Variants in XPO6 observed in about 807,000 individuals in gnomAD.
XPO6 encodes exportin 6, also known as exportin-6.
In XPO6, 3 loss-of-function variants were observed where a neutral mutation model predicts 130.0. That is an observed-to-expected ratio of 0.02 (90% confidence interval 0.01 to 0.06). The LOEUF is 0.06. Among genes scored for constraint, XPO6 ranks in the 10% least tolerant of loss-of-function variants. XPO6 has a pLI of 1.00. For synonymous variants in XPO6, 524 were observed against 548.9 expected, an observed-to-expected ratio of 0.95 and a Z score of 0.63; for missense variants, 970 against 1,393.0, an observed-to-expected ratio of 0.70 and a Z score of 4.83.
At chr16:28,179,442 C>T (rs1331953859) in intron 2 of XPO6, among the ~76,000 whole-genome samples, 1 of 152,150 alleles carries the variant, frequency 6.6e-6, no homozygotes, top group Admixed American at 6.5e-5. Flanking sequence ...AATAATTAAG[C>T]AAAGGTTTCT....
At chr16:28,144,215 G>A (rs562111515) in intron 9 of XPO6, among the ~76,000 whole-genome samples, 17 of 152,100 alleles carry the variant, frequency 1.1e-4, no homozygotes, top group Admixed American at 3.9e-4. Context: ...ATATATGAAC[G>A]TACTACCTAT....
At chr16:28,177,192 G>A (rs747175806) in intron 3 of XPO6, 28 bp downstream of exon 3, 27 of 1,505,110 alleles carry the variant, frequency 1.8e-5, no homozygotes, top group Non-Finnish European at 2.4e-5. Flanking sequence ...ATCCTTTTCA[G>A]AAGAGTATAA....
chr16:28,181,322 T>C (rs538617271), intron 1 of XPO6, among the ~76,000 whole-genome samples: 1 of 152,168 alleles, frequency 6.6e-6, no homozygotes, highest in Non-Finnish European at 1.5e-5. Flanking sequence ...GGAATAATGA[T>C]TGAAAGCAAA....
chr16:28,129,176 A>G (rs1338319489), intron 12 of XPO6, among the ~76,000 whole-genome samples: 1 of 152,256 alleles, frequency 6.6e-6, no homozygotes, highest in Non-Finnish European at 1.5e-5. Context: ...GTTCATCAAA[A>G]GTACAGCTGG....
intron 20 of XPO6, 38 bp from the exon 21 acceptor site, chr16:28,104,745 G>C: frequency 6.2e-7 from 1 of 1,609,438 alleles, no homozygotes; most frequent in Non-Finnish European, 8.5e-7. Flanking sequence ...TGCAGCTTGC[G>C]GAGCTGCTCC....
intron 7 of XPO6, chr16:28,153,513 G>T: frequency 2.0e-6 from 2 of 985,396 alleles, no homozygotes; most frequent in Non-Finnish European, 2.4e-6. Context: ...TCACTTCACA[G>T]TGAATCCCCA....
intron 1 of XPO6, among the ~76,000 whole-genome samples, chr16:28,203,450 G>A (rs1438152229): frequency 1.3e-5 from 2 of 152,088 alleles, no homozygotes; most frequent in Non-Finnish European, 2.9e-5. Context: ...AGATACATTT[G>A]ACAATGCAAC....
rs551262643 is a variant in XPO6 at position 28,153,069 on chromosome 16, A to G, written c.1098-284T>C. 9.9e-4 allele frequency: 1,056 copies of G among 1,063,088 alleles called. 4 individuals are homozygous for G. The highest frequency in any genetic ancestry group is 2.1e-3 in the South Asian group (68 of 33,076). 65.9% of individuals were successfully genotyped at this position (1,063,088 alleles called of 1,614,324 possible). A position where few individuals can be genotyped will look rare whatever the true frequency, so the allele number is the denominator to read the frequency against. On this transcript the variant is annotated intron_variant, in intron 7 of 23. Transcript: ENST00000304658. ...TCTAAGTCATTTGTGTTGTGACCCA[A>G]TTAAAGTGAAGGGAAATGATAAAAA...
chr16:28,162,171 G>A (rs879593484), intron 6 of XPO6, among the ~76,000 whole-genome samples: 2 of 152,240 alleles, frequency 1.3e-5, no homozygotes, highest in African/African-American at 2.4e-5. Flanking sequence ...GGTCATGGAA[G>A]TCAGCATCTG....
At chr16:28,159,426 C>T (rs1306640510) in intron 6 of XPO6, among the ~76,000 whole-genome samples, 3 of 152,026 alleles carry the variant, frequency 2.0e-5, no homozygotes, top group Admixed American at 6.6e-5. Context: ...GGAGAAAACA[C>T]CTCAGTCAGA....
chr16:28,125,951 A>G, intron 12 of XPO6, 103 bp from the exon 13 acceptor site: 2 of 1,466,708 alleles, frequency 1.4e-6, no homozygotes, highest in Non-Finnish European at 1.8e-6. Context: ...ACCAGCAGCA[A>G]AACCAATTCG....
intron 4 of XPO6, among the ~76,000 whole-genome samples, chr16:28,172,360 T>C (rs1044297770): frequency 5.9e-5 from 9 of 152,186 alleles, no homozygotes; most frequent in Admixed American, 3.3e-4. Flanking sequence ...GTTTCTAGCG[T>C]GAACTTCTGA....
At chr16:28,186,197 C>G (rs74014250) in intron 1 of XPO6, among the ~76,000 whole-genome samples, 8,205 of 152,040 alleles carry the variant, frequency 0.054, 556 homozygotes, top group East Asian at 0.17. Flanking sequence ...TTGCTTCTCA[C>G]TCTTTTGCAG....
In XPO6 at chr16:28,107,619, C is replaced by T. The variant is rs370756869; in HGVS notation, c.2400G>A (p.Ser800=). The T allele has an allele frequency of 4.0e-5, 64 of 1,614,040 alleles. 1 individual carries two copies. Among genetic ancestry groups the T allele is most frequent in the Non-Finnish European group, 5.1e-5 (60 of 1,180,030 alleles). ...TCTGTCGAGACTTGGTGGACTCCCC[C>T]GAGATATTCTCCACAATATCTTCTA... ...SVLEDIVENI[S]GESTKSRQIC... The change falls in exon 18 of 24, where the codon TCG becomes TCA. Residue 800 remains serine, a synonymous_variant. Coordinates refer to ENST00000304658, the MANE Select transcript of XPO6 (RefSeq NM_015171.4).
chr16:28,106,248 CAT>C lies in XPO6; in HGVS notation c.2613-36_2613-35del, dbSNP rs775696646. ...GAGAAAGCCACACAGTGAGCAACCA[CAT>C]GTTTCTCTGGGGGCCAGCATGAAAA... On this transcript the variant is annotated intron_variant, in intron 19 of 23. Coordinates refer to ENST00000304658, the MANE Select transcript of XPO6 (RefSeq NM_015171.4). The surrounding 1 kb of genome is among the most constrained non-coding windows in gnomAD (Gnocchi z 4.2). 1.2e-5 allele frequency: 20 copies of C among 1,609,964 alleles called. No homozygotes were observed. The highest frequency in any genetic ancestry group is 8.9e-5 in the East Asian group (4 of 44,774).
In XPO6 at chr16:28,133,844, T is replaced by A. The variant is rs181760; in HGVS notation, c.1533A>T (p.Thr511=). 43,923 of 1,613,736 alleles carry A rather than the reference T, an allele frequency of 0.027. 3,683 individuals carry two copies. Among genetic ancestry groups the A allele is most frequent in the Admixed American group, 0.19 (11,438 of 59,930 alleles). The change falls in exon 11 of 24, where the codon ACA becomes ACT. Residue 511 remains threonine, a synonymous_variant. Transcript: ENST00000304658. The part of the protein sequence containing the change: ...MELLPTHAFS[T]LFPVLQDNLE... Reference sequence around the variant, plus strand: ...ACTCCCCCGGACAGCACATTACCAGTGTGGAGAAGGCGTGCGTGGGCAGGA... The same window carrying A: ...ACTCCCCCGGACAGCACATTACCAGAGTGGAGAAGGCGTGCGTGGGCAGGA...
chr16:28,130,770 T>C lies in XPO6; in HGVS notation c.1606+1564A>G, dbSNP rs192887346. ...TAGGAAAAAATAAATCACATTATCCTTCTAGGGAGAAGAGCTCAGAATTAT... is the reference window on the plus strand; with the variant it reads ...TAGGAAAAAATAAATCACATTATCCCTCTAGGGAGAAGAGCTCAGAATTAT... On this transcript the variant is annotated intron_variant, in intron 12 of 23. Transcript: ENST00000304658. Among the ~76,000 whole-genome samples, 416 of 152,322 alleles carry C rather than the reference T, an allele frequency of 2.7e-3. 4 individuals carry two copies. Among genetic ancestry groups the C allele is most frequent in the African/African-American group, 9.7e-3 (403 of 41,576 alleles).
chr16:28,188,052 C>T lies in XPO6; in HGVS notation c.4-7021G>A, dbSNP rs908809475. Reference sequence around the variant, plus strand: ...GTTACCTAATGGCCTCTAAAACAACCCCCTCTAAGCATAACCTTTTTACAA... The same window carrying T: ...GTTACCTAATGGCCTCTAAAACAACTCCCTCTAAGCATAACCTTTTTACAA... On this transcript the variant is annotated intron_variant, in intron 1 of 23. Transcript: ENST00000304658. Among the ~76,000 whole-genome samples the T allele has an allele frequency of 9.2e-5, 14 of 152,094 alleles. No homozygotes were observed. In the East Asian group the frequency reaches 1.3e-3, roughly 15 times the overall value.
At chr16:28,174,633 A>C in intron 4 of XPO6, among the ~76,000 whole-genome samples, 1 of 152,168 alleles carries the variant, frequency 6.6e-6, no homozygotes, top group East Asian at 1.9e-4. Context: ...TAAATGAAGA[A>C]TTTTTGTGCC....
Sources: gnomAD v4.1 joint callset for allele counts (sites outside exome capture counted in the v4.1 genomes callset) on GRCh38, gnomAD v4.1.1 for gene constraint, Gnocchi (gnomAD v3.1) non-coding constraint, MANE v1.5 for transcripts, NCBI Gene and HGNC (gene_info 2026-07-23, HGNC 2026-07-21) for gene names.